The following HACE1 variants were observed in gnomAD, a reference collection of about 807,000 sequenced individuals.
HACE1 encodes the protein HECT domain and ankyrin repeat containing E3 ubiquitin protein ligase 1.
HACE1 carries 73 observed loss-of-function variants against 118.4 expected under a neutral mutation model. The observed-to-expected ratio is 0.62, with a 90% CI of 0.51 to 0.75. HACE1 has a LOEUF of 0.75. HACE1 is among the 30% of genes least tolerant of loss of function. The pLI is 0.00. For synonymous variants in HACE1, 368 were observed against 374.8 expected (o/e 0.98, Z 0.21); for missense variants, 749 against 1,102.2 (o/e 0.68, Z 4.54).
Position 104,811,385 on chromosome 6 carries a change from C to T in HACE1, c.543G>A (p.Gln181=). The T allele has an allele frequency of 6.8e-7, 1 of 1,469,096 alleles. No individual in the cohort carries two copies. The highest frequency in any genetic ancestry group is 9.5e-7 in the Non-Finnish European group (1 of 1,049,560). The allele number at this position is 1,469,096 out of a possible 1,614,324, so 91.0% of individuals were successfully genotyped here. A position where few individuals can be genotyped will look rare whatever the true frequency, so the allele number is the denominator to read the frequency against. ...ACQNGHKTTV[Q]CLLDSGADIN... is the part of the protein sequence containing the mutation. ...TATCAGCACCACTGTCTAGCAAGCA[C>T]TGCACTGTCTGAGGGGGAAAAAATA... Residue 181 remains glutamine, a synonymous_variant, in exon 7 of 24, where the codon CAG becomes CAA. Transcript: ENST00000262903.
At chr6:104,793,336 TTA>T (rs1260320817) in intron 10 of HACE1, among the ~76,000 whole-genome samples, 1 of 152,160 alleles carries the variant, frequency 6.6e-6, no homozygotes, top group African/African-American at 2.4e-5. Flanking sequence ...CGCCTTTGGT[TTA>T]TATGGGTATA....
chr6:104,758,507 T>C (rs1443984455), intron 19 of HACE1, among the ~76,000 whole-genome samples: 2 of 151,990 alleles, frequency 1.3e-5, no homozygotes, highest in African/African-American at 4.8e-5. Context: ...GCTGAGAGAC[T>C]TTGTCACCAC....
At chr6:104,831,984 A>AG (rs201781305) in intron 6 of HACE1, among the ~76,000 whole-genome samples, 1,252 of 57,238 alleles carry the variant, frequency 0.022, 9 homozygotes, top group Non-Finnish European at 0.026. Context: ...AGAAGAGAGG[A>AG]AGGAAGGAAG....
intron 22 of HACE1, among the ~76,000 whole-genome samples, chr6:104,739,622 C>G (rs1776390806): frequency 6.6e-6 from 1 of 151,876 alleles, no homozygotes; most frequent in South Asian, 2.1e-4. Flanking sequence ...GCTAACTATC[C>G]TAAATATATA....
chr6:104,859,456 G>A (rs1386435999), intron 1 of HACE1, 111 bp downstream of exon 1: 7 of 851,786 alleles, frequency 8.2e-6, no homozygotes, highest in South Asian at 1.8e-5. Context: ...AAAAGTGGGC[G>A]TTTTCTCAGC....
intron 19 of HACE1, among the ~76,000 whole-genome samples, chr6:104,769,457 C>T (rs1181292849): frequency 6.6e-6 from 1 of 152,076 alleles, no homozygotes; most frequent in East Asian, 1.9e-4. Flanking sequence ...GACTTCATTA[C>T]CCTTAATTGA....
At chr6:104,809,655 C>CTTTTTTTTTTTTTTT (rs34661839) in intron 7 of HACE1, among the ~76,000 whole-genome samples, 1 of 130,478 alleles carries the variant, frequency 7.7e-6, no homozygotes, top group Non-Finnish European at 1.7e-5. Context: ...AGAGCAGATT[C>CTTTTTTTTTTTTTTT]TTTTTTTTTT....
chr6:104,802,670 A>G (rs1042898265), intron 7 of HACE1, among the ~76,000 whole-genome samples: 5 of 152,342 alleles, frequency 3.3e-5, no homozygotes, highest in South Asian at 2.1e-4. Context: ...AACCAATGAG[A>G]ACAAAGACAC....
Position 104,811,312 on chromosome 6 carries a change from T to G in HACE1, c.616A>C (p.Ser206Arg). 2.4e-6 allele frequency: 3 copies of G among 1,260,758 alleles called. No individual in the cohort carries two copies. The highest frequency in any genetic ancestry group is 3.5e-6 in the Non-Finnish European group (3 of 868,006). 78.1% of individuals were successfully genotyped at this position (1,260,758 alleles called of 1,614,324 possible). Residue 206 changes from serine (S) to arginine (R), a missense_variant and splice_region_variant, in exon 7 of 24, where the codon AGT becomes CGT. Around this residue, in one of 5 missense-constraint regions of HACE1, gnomAD observed 267 missense variants for 312.2 expected, o/e 0.86. Coordinates refer to ENST00000262903, the MANE Select transcript of HACE1 (RefSeq NM_020771.4). ...SGATPLYFAC[S>R]HGQRDTAQIL... ...ATCTGGAAATATAAAATATCATACC[T>G]GCAAGCAAAGTACAATGGAGTTGCT...
intron 5 of HACE1, 59 bp downstream of exon 5, chr6:104,843,164 T>A: frequency 1.1e-6 from 1 of 914,192 alleles, no homozygotes; most frequent in Non-Finnish European, 1.8e-6. Flanking sequence ...AACTGTCACA[T>A]TCAATATCAT....
At position 104,789,108 on chromosome 6, in the gene HACE1, C is replaced by T. The variant is rs538880282; in HGVS notation, c.1074+2396G>A. 2.6e-5 allele frequency among the ~76,000 whole-genome samples: 4 copies of T among 152,210 alleles called. No individual in the cohort carries two copies. In the South Asian group the frequency reaches 8.3e-4, roughly 32 times the overall value. ...TAGCAAAGATTTTTACTTGAAATCA[C>T]CCCCACAATGAACAGGAGATCTGAT... On this transcript the variant is annotated intron_variant, in intron 11 of 23. Coordinates refer to ENST00000262903, the MANE Select transcript of HACE1 (RefSeq NM_020771.4).
At chr6:104,827,330 T>A (rs1473836907) in intron 6 of HACE1, among the ~76,000 whole-genome samples, 4 of 152,174 alleles carry the variant, frequency 2.6e-5, no homozygotes, top group Admixed American at 2.6e-4. Context: ...CTTTTTTTAT[T>A]AAAAATAATT....
chr6:104,831,987 GA>G (rs1424567492), intron 6 of HACE1, among the ~76,000 whole-genome samples: 73 of 31,792 alleles, frequency 2.3e-3, no homozygotes, highest in Non-Finnish European at 5.0e-3. Context: ...AGAGAGGAAG[GA>G]AGGAAGGAAG....
chr6:104,849,651 A>ATTTTTT (rs10640271), intron 3 of HACE1, among the ~76,000 whole-genome samples: 2 of 145,970 alleles, frequency 1.4e-5, no homozygotes, highest in Non-Finnish European at 1.5e-5. Context: ...CCTTAAACAC[A>ATTTTTT]TTTTTTTTTT....
chr6:104,818,939 A>G lies in HACE1; in HGVS notation c.535-7546T>C, dbSNP rs184841717. On this transcript the variant is annotated intron_variant, in intron 6 of 23. Transcript: ENST00000262903. ...CAAACTCACAGCCAGTATCATAATG[A>G]ATGGGCAAAACCTGTAAGCATTACC... Among the ~76,000 whole-genome samples, 92 of 152,352 alleles carry G rather than the reference A, an allele frequency of 6.0e-4. 1 individual carries two copies. Among genetic ancestry groups the G allele is most frequent in the South Asian group, 2.1e-3 (10 of 4,830 alleles).
intron 17 of HACE1, among the ~76,000 whole-genome samples, chr6:104,775,625 C>T (rs146748092): frequency 1.2e-4 from 19 of 152,286 alleles, no homozygotes; most frequent in African/African-American, 4.1e-4. Flanking sequence ...TCACTGAACT[C>T]GTCATTCACA....
chr6:104,784,534 A>G (rs1404818483), intron 12 of HACE1, 49 bp from the exon 13 acceptor site: 1 of 1,251,350 alleles, frequency 8.0e-7, no homozygotes, highest in African/African-American at 1.5e-5. Flanking sequence ...AGTTTGTGAT[A>G]TAATATAGCG....
chr6:104,859,830 G>A lies in HACE1; in HGVS notation c.-188C>T. 3.6e-6 allele frequency: 2 copies of A among 553,128 alleles called. No individual in the cohort carries two copies. The highest frequency in any genetic ancestry group is 3.4e-5 in the East Asian group (1 of 28,994). 34.3% of individuals were successfully genotyped at this position (553,128 alleles called of 1,614,324 possible). A position where few individuals can be genotyped will look rare whatever the true frequency, so the allele number is the denominator to read the frequency against. ...CCGGGGGCCGGGCTGCTGCCGGACC[G>A]ACCACCTACAGTACACCCGCCGCCG... On this transcript the variant is annotated 5_prime_UTR_variant, in exon 1 of 24. Transcript: ENST00000262903.
intron 17 of HACE1, among the ~76,000 whole-genome samples, chr6:104,775,233 C>T (rs1005248719): frequency 1.2e-4 from 18 of 152,014 alleles, no homozygotes; most frequent in African/African-American, 4.1e-4. Context: ...CATGGCTGGT[C>T]TCCCAGCTCA....
Sources: gnomAD v4.1 joint callset for allele counts (sites outside exome capture counted in the v4.1 genomes callset) on GRCh38, gnomAD v4.1.1 for gene constraint, gnomAD v4.1.1 regional missense constraint, MANE v1.5 for transcripts, NCBI Gene and HGNC (gene_info 2026-07-23, HGNC 2026-07-21) for gene names.